The following UNC5D variants were observed in gnomAD, a reference collection of about 807,000 sequenced individuals.
UNC5D encodes the protein unc-5 netrin receptor D.
In UNC5D, 39 loss-of-function variants were observed where a neutral mutation model predicts 105.4. The ratio of observed to expected loss-of-function variants is 0.37; its 90% CI spans 0.29 to 0.48. The LOEUF is 0.48. UNC5D is among the 20% of genes least tolerant of loss of function. The pLI is 0.98. For synonymous variants in UNC5D, 452 were observed against 450.4 expected, an observed-to-expected ratio of 1.00 and a Z score of -0.04; for missense variants, 991 against 1,202.4, an observed-to-expected ratio of 0.82 and a Z score of 2.60.
intron 1 of UNC5D, among the ~76,000 whole-genome samples, chr8:35,514,330 C>T (rs1812974727): frequency 6.6e-6 from 1 of 152,166 alleles, no homozygotes; most frequent in Non-Finnish European, 1.5e-5. Flanking sequence ...CAGACTCTTA[C>T]ACAACTAGGG....
At position 35,794,375 on chromosome 8, in the gene UNC5D, A is replaced by C. The variant is rs961648959; in HGVS notation, c.*3812A>C. ...TGTGGCCCATTGTCATTGTTTCCTCATGAAACATTGCAGAGTTTGAATCCT... is the reference window on the plus strand; with the variant it reads ...TGTGGCCCATTGTCATTGTTTCCTCCTGAAACATTGCAGAGTTTGAATCCT... On this transcript the variant is annotated 3_prime_UTR_variant, in exon 17 of 17. Transcript: ENST00000404895. 7 of 152,182 alleles carry C rather than the reference A, an allele frequency of 4.6e-5. No individual in the cohort carries two copies. The highest frequency in any genetic ancestry group is 1.7e-4 in the African/African-American group (7 of 41,440). 9.4% of individuals were successfully genotyped at this position (152,182 alleles called of 1,614,324 possible).
At chr8:35,393,532 A>C (rs1585738946) in intron 1 of UNC5D, among the ~76,000 whole-genome samples, 1 of 152,084 alleles carries the variant, frequency 6.6e-6, no homozygotes, top group African/African-American at 2.4e-5. Flanking sequence ...TTGAGTTTTT[A>C]TATCTCACTG....
intron 11 of UNC5D, among the ~76,000 whole-genome samples, chr8:35,731,816 C>T (rs926937685): frequency 3.3e-5 from 5 of 152,140 alleles, no homozygotes; most frequent in South Asian, 4.2e-4. Context: ...CTATACTGCC[C>T]GAGAGACAAT....
intron 1 of UNC5D, among the ~76,000 whole-genome samples, chr8:35,433,401 T>A (rs887125058): frequency 3.3e-5 from 5 of 152,188 alleles, no homozygotes; most frequent in African/African-American, 1.2e-4. Flanking sequence ...TCCTTCTTGC[T>A]TTATGATAGC....
intron 13 of UNC5D, among the ~76,000 whole-genome samples, chr8:35,751,291 G>A (rs2131643648): frequency 6.6e-6 from 1 of 152,244 alleles, no homozygotes; most frequent in South Asian, 2.1e-4. Flanking sequence ...CTCAAGCACT[G>A]ATTTTAGGAT....
At chr8:35,429,038 A>G (rs1806446837) in intron 1 of UNC5D, among the ~76,000 whole-genome samples, 1 of 152,216 alleles carries the variant, frequency 6.6e-6, no homozygotes, top group Non-Finnish European at 1.5e-5. Flanking sequence ...TGCTGGTTAA[A>G]TGGAAAATAT....
chr8:35,786,027 C>T (rs1802727374), intron 16 of UNC5D, among the ~76,000 whole-genome samples: 1 of 152,278 alleles, frequency 6.6e-6, no homozygotes, highest in Non-Finnish European at 1.5e-5. Flanking sequence ...GCTGACCCCT[C>T]CTCTACATTC....
chr8:35,535,323 GTTC>G (rs1448136444), intron 1 of UNC5D, among the ~76,000 whole-genome samples: 2 of 151,926 alleles, frequency 1.3e-5, no homozygotes, highest in East Asian at 1.9e-4. Context: ...TCTCCCCGTC[GTTC>G]TTCTTGCTGA....
intron 1 of UNC5D, among the ~76,000 whole-genome samples, chr8:35,277,630 G>A (rs1018599575): frequency 3.3e-5 from 5 of 152,010 alleles, no homozygotes; most frequent in African/African-American, 9.7e-5. Flanking sequence ...CCTCATTGTT[G>A]TCTCTCATTA....
intron 1 of UNC5D, among the ~76,000 whole-genome samples, chr8:35,439,588 A>G (rs187490369): frequency 6.6e-6 from 1 of 152,152 alleles, no homozygotes; most frequent in African/African-American, 2.4e-5. Context: ...TGGAAAAGCA[A>G]CACCCTAATT....
In UNC5D at chr8:35,591,757, A is replaced by T. The variant is rs556151868; in HGVS notation, c.467-3797A>T. On this transcript the variant is annotated intron_variant, in intron 3 of 16. Coordinates refer to ENST00000404895, the MANE Select transcript of UNC5D (RefSeq NM_080872.4). ...TTACAATAGGCACTGGGAATAGAGG[A>T]GTGAAAGTCTAGGACATAGAACCTG... Among the ~76,000 whole-genome samples the T allele has an allele frequency of 1.8e-4, 27 of 152,270 alleles. 2 individuals are homozygous for T. Among genetic ancestry groups the T allele is most frequent in the East Asian group, 1.4e-3 (7 of 5,174 alleles).
chr8:35,498,079 CAAAACAAAA>C (rs869133316), intron 1 of UNC5D, among the ~76,000 whole-genome samples: 8,885 of 58,128 alleles, frequency 0.15, 85 homozygotes, highest in Non-Finnish European at 0.21. Context: ...CAAAACAAAA[CAAAACAAAA>C]AAAAAAAAAA....
At chr8:35,666,405 G>A (rs1225087280) in intron 4 of UNC5D, among the ~76,000 whole-genome samples, 2 of 151,482 alleles carry the variant, frequency 1.3e-5, no homozygotes, top group African/African-American at 4.9e-5. Flanking sequence ...AATAAAAAAC[G>A]AAGGAGGGGG....
intron 4 of UNC5D, among the ~76,000 whole-genome samples, chr8:35,674,426 T>C (rs1825057758): frequency 6.6e-6 from 1 of 152,180 alleles, no homozygotes; most frequent in South Asian, 2.1e-4. Flanking sequence ...TGTGTATATA[T>C]GGTTTAGGCA....
rs539399345 is a variant in UNC5D, at chr8:35,512,569, A to ATATATATATATATATATATATC, written c.104-36722_104-36721insATATATATATATATATATATCT. On this transcript the variant is annotated intron_variant, in intron 1 of 16. Coordinates refer to ENST00000404895, the MANE Select transcript of UNC5D (RefSeq NM_080872.4). ...TATATATATATATATATATATATAT[A>ATATATATATATATATATATATC]TCTGAATAGATTACTAAATGGAGAT... Among the ~76,000 whole-genome samples the ATATATATATATATATATATATC allele has an allele frequency of 1.0e-3, 67 of 64,816 alleles. 13 individuals are homozygous for ATATATATATATATATATATATC. The highest frequency in any genetic ancestry group is 2.7e-3 in the African/African-American group (34 of 12,428). 42.5% of individuals were successfully genotyped at this position (64,816 alleles called of 152,430 possible).
intron 1 of UNC5D, among the ~76,000 whole-genome samples, chr8:35,383,172 G>T (rs1258142034): frequency 6.6e-6 from 1 of 152,166 alleles, no homozygotes; most frequent in Non-Finnish European, 1.5e-5. Flanking sequence ...TCATCACAAT[G>T]ACATTAAATA....
chr8:35,527,154 T>C (rs1236371762), intron 1 of UNC5D, among the ~76,000 whole-genome samples: 1 of 152,220 alleles, frequency 6.6e-6, no homozygotes, highest in Non-Finnish European at 1.5e-5. Context: ...ACTGAGACTT[T>C]TATGATTTTC....
intron 1 of UNC5D, among the ~76,000 whole-genome samples, chr8:35,383,917 G>A (rs9297237): frequency 0.44 from 66,175 of 151,572 alleles, 14,706 homozygotes; most frequent in East Asian, 0.7. Flanking sequence ...TGTCTCTACT[G>A]AAAAAATAAA....
chr8:35,438,560 A>G (rs1807182522), intron 1 of UNC5D, among the ~76,000 whole-genome samples: 1 of 152,048 alleles, frequency 6.6e-6, no homozygotes, highest in South Asian at 2.1e-4. Context: ...CTTTATGCTC[A>G]CATTCACTAT....
Sources: gnomAD v4.1 joint callset for allele counts (sites outside exome capture counted in the v4.1 genomes callset) on GRCh38, gnomAD v4.1.1 for gene constraint, MANE v1.5 for transcripts, NCBI Gene and HGNC (gene_info 2026-07-23, HGNC 2026-07-21) for gene names.